KCNT2: variants seen among roughly 807,000 people sequenced by gnomAD.
The protein encoded by KCNT2 is potassium sodium-activated channel subfamily T member 2.
Under a neutral mutation model 153.8 loss-of-function variants are expected in KCNT2, and 67 were observed. That is an observed-to-expected ratio of 0.44 (90% CI 0.36 to 0.53). KCNT2 has a LOEUF of 0.53. Among genes scored for constraint, KCNT2 ranks in the 20% least tolerant of loss-of-function variants. KCNT2 has a pLI of 0.00. For missense variants in KCNT2, 975 were observed against 1,354.8 expected, an observed-to-expected ratio of 0.72 and a Z score of 4.40; for synonymous variants, 500 against 458.8, an observed-to-expected ratio of 1.09 and a Z score of -1.15.
At chr1:196,384,896 C>T (rs1458041730) in intron 13 of KCNT2, among the ~76,000 whole-genome samples, 1 of 151,846 alleles carries the variant, frequency 6.6e-6, no homozygotes, top group Non-Finnish European at 1.5e-5. Flanking sequence ...ATCTTCATTC[C>T]CTCTTCCTCC....
In KCNT2 at chr1:196,394,006, T is replaced by A. The variant is rs185829848; in HGVS notation, c.1294+4557A>T. On this transcript the variant is annotated intron_variant, in intron 13 of 27. Coordinates refer to ENST00000294725, the MANE Select transcript of KCNT2 (RefSeq NM_198503.5). ...ACACTATTATATTGGTGAAAAAAAG[T>A]CTCTCACTGGAAAAAAAATGATTTG... Among the ~76,000 whole-genome samples the A allele has an allele frequency of 1.3e-3, 200 of 151,534 alleles. 1 individual carries two copies. Among genetic ancestry groups the A allele is most frequent in the African/African-American group, 4.5e-3 (186 of 41,400 alleles).
chr1:196,484,443 T>C (rs2148712085), intron 3 of KCNT2, among the ~76,000 whole-genome samples: 1 of 152,234 alleles, frequency 6.6e-6, no homozygotes, highest in South Asian at 2.1e-4. Context: ...GATGGGTAGA[T>C]TGAAAAAATT....
chr1:196,401,155 T>TC (rs1671383438), intron 12 of KCNT2, among the ~76,000 whole-genome samples: 1 of 151,852 alleles, frequency 6.6e-6, no homozygotes, highest in Non-Finnish European at 1.5e-5. Context: ...TGTGAAGCAC[T>TC]ACCAACCTCA....
At chr1:196,481,860 G>A (rs572502704) in intron 4 of KCNT2, among the ~76,000 whole-genome samples, 108 of 151,980 alleles carry the variant, frequency 7.1e-4, no homozygotes, top group Admixed American at 1.4e-3. Flanking sequence ...ATGATTAATT[G>A]CTTAGGAACT....
chr1:196,320,604 C>T (rs1247248066), intron 19 of KCNT2, among the ~76,000 whole-genome samples: 5 of 151,490 alleles, frequency 3.3e-5, no homozygotes, highest in Non-Finnish European at 7.4e-5. Flanking sequence ...GCCTCCCTGG[C>T]TAGATGAACT....
chr1:196,497,931 T>G (rs1680384867), intron 1 of KCNT2, among the ~76,000 whole-genome samples: 1 of 152,196 alleles, frequency 6.6e-6, no homozygotes, highest in African/African-American at 2.4e-5. Flanking sequence ...TTTTAGATTA[T>G]TCTAGTATCT....
rs562356087 is a variant in KCNT2 at position 196,382,242 on chromosome 1, G to A, written c.1295-8994C>T. On this transcript the variant is annotated intron_variant, in intron 13 of 27. Coordinates refer to ENST00000294725, the MANE Select transcript of KCNT2 (RefSeq NM_198503.5). ...GCCTCCTGAGTAGCTGGGACTACAG[G>A]TGCCTGCCACCACACCCGGCTATTT... is the stretch of plus-strand genomic sequence containing the variant. 4.2e-4 allele frequency among the ~76,000 whole-genome samples: 63 copies of A among 151,626 alleles called. No individual in the cohort carries two copies. In the Middle Eastern group the frequency reaches 0.01, roughly 25 times the overall value.
chr1:196,397,130 G>C (rs920078860), intron 13 of KCNT2, among the ~76,000 whole-genome samples: 1 of 151,378 alleles, frequency 6.6e-6, no homozygotes, highest in Non-Finnish European at 1.5e-5. Context: ...GCTCAAAATA[G>C]TAATCTGCCT....
At chr1:196,399,149 T>C (rs1419150642) in intron 12 of KCNT2, among the ~76,000 whole-genome samples, 1 of 150,728 alleles carries the variant, frequency 6.6e-6, no homozygotes, top group African/African-American at 2.4e-5. Context: ...TTTGAAGACA[T>C]AAAAAACTCT....
At chr1:196,480,973 A>C (rs1274787334) in intron 4 of KCNT2, among the ~76,000 whole-genome samples, 1 of 151,874 alleles carries the variant, frequency 6.6e-6, no homozygotes, top group East Asian at 1.9e-4. Context: ...ATGGCTATTC[A>C]TAAAACAATT....
chr1:196,458,355 A>T (rs1676861571), intron 8 of KCNT2, among the ~76,000 whole-genome samples: 1 of 151,900 alleles, frequency 6.6e-6, no homozygotes, highest in African/African-American at 2.4e-5. Context: ...TCTCATGAAG[A>T]ATGTTGGATT....
chr1:196,383,923 T>TA (rs935554468), intron 13 of KCNT2, among the ~76,000 whole-genome samples: 18 of 152,068 alleles, frequency 1.2e-4, no homozygotes, highest in South Asian at 4.1e-4. Flanking sequence ...GCAAATTAGA[T>TA]AAAAAAATGC....
chr1:196,530,403 TA>T (rs1654788041), intron 1 of KCNT2, among the ~76,000 whole-genome samples: 1 of 151,972 alleles, frequency 6.6e-6, no homozygotes, highest in South Asian at 2.1e-4. Flanking sequence ...TTTAGTTAAA[TA>T]TTTTTGGTAT....
chr1:196,520,253 A>G (rs1043211221), intron 1 of KCNT2, among the ~76,000 whole-genome samples: 7 of 152,148 alleles, frequency 4.6e-5, no homozygotes, highest in Non-Finnish European at 7.4e-5. Context: ...ATAAAATTCA[A>G]CATCCCTTGA....
chr1:196,291,278 T>C (rs1660158432), intron 22 of KCNT2, among the ~76,000 whole-genome samples: 1 of 151,632 alleles, frequency 6.6e-6, no homozygotes, highest in South Asian at 2.1e-4. Flanking sequence ...GCTGCCCTTC[T>C]GCTTGTGTGA....
intron 5 of KCNT2, among the ~76,000 whole-genome samples, chr1:196,475,092 T>A (rs1678414482): frequency 6.6e-6 from 1 of 152,230 alleles, no homozygotes; most frequent in Non-Finnish European, 1.5e-5. Flanking sequence ...AGTGCTTGCA[T>A]AATGCTGTAT....
At chr1:196,572,604 T>C (rs977614776) in intron 1 of KCNT2, among the ~76,000 whole-genome samples, 1 of 152,066 alleles carries the variant, frequency 6.6e-6, no homozygotes, top group Non-Finnish European at 1.5e-5. Flanking sequence ...TACTTGTAGG[T>C]CATCATTATC....
chr1:196,582,597 G>A (rs1662199533), intron 1 of KCNT2: 1 of 154,260 alleles, frequency 6.5e-6, no homozygotes, highest in African/African-American at 2.4e-5. Context: ...ATAAGGTCAA[G>A]TTCCCAATTT....
chr1:196,472,548 C>T (rs533472785), intron 5 of KCNT2, among the ~76,000 whole-genome samples: 24 of 152,266 alleles, frequency 1.6e-4, no homozygotes, highest in African/African-American at 5.5e-4. Flanking sequence ...AATATTTTAT[C>T]TCTTGAGATT....
Sources: gnomAD v4.1 joint callset for allele counts (sites outside exome capture counted in the v4.1 genomes callset) on GRCh38, gnomAD v4.1.1 for gene constraint, MANE v1.5 for transcripts, NCBI Gene and HGNC (gene_info 2026-07-23, HGNC 2026-07-21) for gene names.